The following TRAF3 variants were observed in gnomAD, a reference collection of about 807,000 sequenced individuals.
TRAF3 encodes the protein TNF receptor-associated factor 3.
TRAF3 carries 13 observed loss-of-function variants against 62.3 expected under a neutral mutation model. The ratio of observed to expected loss-of-function variants is 0.21; its 90% CI spans 0.14 to 0.33. TRAF3 has a LOEUF of 0.33. Among genes scored for constraint, TRAF3 ranks in the 10% least tolerant of loss-of-function variants. The probability of loss-of-function intolerance (pLI) is 1.00; values close to 1 mark genes in which losing one functional copy is unlikely to be tolerated. For missense variants in TRAF3, 440 were observed against 741.8 expected, an observed-to-expected ratio of 0.59 and a Z score of 4.73; for synonymous variants, 269 against 283.4, an observed-to-expected ratio of 0.95 and a Z score of 0.51.
chr14:102,872,107 A>C lies in TRAF3; in HGVS notation c.297+139A>C, dbSNP rs1033720091. ...GATGCGGCAGGCTCCCAGGCAGGACACTGTGCCATGTGATCACCTGGGCAG... is the reference window on the plus strand; with the variant it reads ...GATGCGGCAGGCTCCCAGGCAGGACCCTGTGCCATGTGATCACCTGGGCAG... On this transcript the variant is annotated intron_variant, in intron 4 of 11. Transcript: ENST00000392745. 1.0e-5 allele frequency: 9 copies of C among 866,796 alleles called. No individual in the cohort carries two copies. The African/African-American group carries it at 1.5e-4, about 15-fold the overall frequency. 53.7% of individuals were successfully genotyped at this position (866,796 alleles called of 1,614,324 possible).
At chr14:102,843,359 C>T (rs1217525245) in intron 2 of TRAF3, among the ~76,000 whole-genome samples, 2 of 151,888 alleles carry the variant, frequency 1.3e-5, no homozygotes, top group African/African-American at 2.4e-5. Flanking sequence ...ATTTTGGAGA[C>T]AGGATCTCAC....
intron 2 of TRAF3, among the ~76,000 whole-genome samples, chr14:102,837,584 A>T (rs956818054): frequency 1.3e-5 from 2 of 152,164 alleles, no homozygotes; most frequent in East Asian, 3.8e-4. Flanking sequence ...AATGTCATAT[A>T]TGAGTCCTAA....
chr14:102,803,334 C>T (rs1228487438), intron 1 of TRAF3, among the ~76,000 whole-genome samples: 1 of 152,086 alleles, frequency 6.6e-6, no homozygotes, highest in Admixed American at 6.5e-5. Flanking sequence ...CATAAGGAGG[C>T]AGCGTGAGGT....
intron 2 of TRAF3, among the ~76,000 whole-genome samples, chr14:102,855,903 G>A (rs1041896918): frequency 1.3e-5 from 2 of 151,958 alleles, no homozygotes; most frequent in African/African-American, 4.8e-5. Flanking sequence ...AACAACCTGG[G>A]CAATATAATG....
chr14:102,870,396 G>A lies in TRAF3; in HGVS notation c.195G>A (p.Gln65=), dbSNP rs1229446378. ...ACCTGGTGCTGTGCAGCCCGAAGCAGACCGAGTGTGGGCACCGCTTCTGCG... is the reference window on the plus strand; with the variant it reads ...ACCTGGTGCTGTGCAGCCCGAAGCAAACCGAGTGTGGGCACCGCTTCTGCG... ...KCHLVLCSPK[Q]TECGHRFCES... The change falls in exon 3 of 12, where the codon CAG becomes CAA. Residue 65 remains glutamine, a synonymous_variant. Transcript: ENST00000392745. 1.9e-6 allele frequency: 3 copies of A among 1,614,162 alleles called. No homozygotes were observed. In the South Asian group the frequency reaches 3.3e-5, roughly 18 times the overall value.
intron 1 of TRAF3, among the ~76,000 whole-genome samples, chr14:102,808,549 C>G (rs1336155180): frequency 6.6e-6 from 1 of 151,484 alleles, no homozygotes; most frequent in Non-Finnish European, 1.5e-5. Flanking sequence ...CCATACTAGT[C>G]AGGTGCTAGA....
chr14:102,795,617 T>TGTGTGTGC (rs33948608), intron 1 of TRAF3, among the ~76,000 whole-genome samples: 1 of 143,538 alleles, frequency 7.0e-6, no homozygotes, highest in African/African-American at 3.0e-5. Context: ...TGTGTGTGTG[T>TGTGTGTGC]GTGCATAGTT....
At chr14:102,854,286 T>A (rs1887230439) in intron 2 of TRAF3, among the ~76,000 whole-genome samples, 1 of 152,228 alleles carries the variant, frequency 6.6e-6, no homozygotes, top group Admixed American at 6.5e-5. Flanking sequence ...ACTGGTTCTC[T>A]TGGTATATAC....
At chr14:102,815,250 C>T (rs2139544308) in intron 1 of TRAF3, among the ~76,000 whole-genome samples, 1 of 152,312 alleles carries the variant, frequency 6.6e-6, no homozygotes, top group South Asian at 2.1e-4. Context: ...GGAGTCATTT[C>T]TAAGAAACCA....
chr14:102,880,303 A>AC (rs1322125365), intron 6 of TRAF3, among the ~76,000 whole-genome samples: 1 of 152,236 alleles, frequency 6.6e-6, no homozygotes, highest in African/African-American at 2.4e-5. Context: ...ACAAAGTGAG[A>AC]CCCCATCTCT....
chr14:102,905,556 A>G lies in TRAF3; in HGVS notation c.1479A>G (p.Lys493=), dbSNP rs1471110963. 8 of 1,614,164 alleles carry G rather than the reference A, an allele frequency of 5.0e-6. No individual in the cohort carries two copies. The South Asian group carries it at 7.7e-5, about 16-fold the overall frequency. ...DALLPWPFKQ[K]VTLMLMDQGS... ...TGCTTCCTTGGCCGTTTAAGCAGAA[A>G]GTGACACTCATGCTGATGGATCAGG... Residue 493 remains lysine (K), a synonymous_variant, in exon 12 of 12, where the codon AAA becomes AAG. Coordinates refer to ENST00000392745, the MANE Select transcript of TRAF3 (RefSeq NM_145725.3).
At chr14:102,868,147 T>G (rs76294741) in intron 2 of TRAF3, among the ~76,000 whole-genome samples, 3 of 152,212 alleles carry the variant, frequency 2.0e-5, no homozygotes, top group African/African-American at 7.2e-5. Context: ...AATAGATGAA[T>G]TGGGTACAGG....
intron 1 of TRAF3, among the ~76,000 whole-genome samples, chr14:102,808,073 A>G (rs1008319448): frequency 1.3e-5 from 2 of 152,312 alleles, no homozygotes; most frequent in African/African-American, 4.8e-5. Context: ...CCAGGTGTTT[A>G]TAACTGTGCA....
intron 1 of TRAF3, among the ~76,000 whole-genome samples, chr14:102,821,508 T>G (rs1283028598): frequency 6.6e-6 from 1 of 152,200 alleles, no homozygotes; most frequent in East Asian, 1.9e-4. Context: ...TTGCAAGTCG[T>G]TTATTTAACA....
intron 1 of TRAF3, among the ~76,000 whole-genome samples, chr14:102,790,631 G>C (rs1897739342): frequency 6.6e-6 from 1 of 152,116 alleles, no homozygotes; most frequent in South Asian, 2.1e-4. Flanking sequence ...ACTATCATGA[G>C]AACAGCACCC....
intron 10 of TRAF3, among the ~76,000 whole-genome samples, chr14:102,901,871 G>A (rs569912676): frequency 1.8e-4 from 28 of 152,236 alleles, no homozygotes; most frequent in African/African-American, 4.8e-4. Flanking sequence ...CCTGGGGCCC[G>A]CCCCTCGAGC....
rs1453561760 is a variant in TRAF3 at position 102,906,142 on chromosome 14, C to A, written c.*358C>A. ...AACTTGAACACCAAAAAAACACACA[C>A]ACACACACACGTGGGGATAGCTGGA... On this transcript the variant is annotated 3_prime_UTR_variant, in exon 12 of 12. Transcript: ENST00000392745. 4.7e-6 allele frequency: 1 copy of A among 213,238 alleles called. No individual in the cohort carries two copies. The highest frequency in any genetic ancestry group is 9.5e-6 in the Non-Finnish European group (1 of 105,382). 13.2% of individuals were successfully genotyped at this position (213,238 alleles called of 1,614,324 possible). A position where few individuals can be genotyped will look rare whatever the true frequency, so the allele number is the denominator to read the frequency against.
chr14:102,889,170 GT>G (rs759559545), intron 7 of TRAF3, among the ~76,000 whole-genome samples: 2 of 152,222 alleles, frequency 1.3e-5, no homozygotes, highest in Non-Finnish European at 2.9e-5. Flanking sequence ...GTGTGACCCA[GT>G]TGCATTCTGA....
At chr14:102,839,210 C>CT (rs56998347) in intron 2 of TRAF3, among the ~76,000 whole-genome samples, 18,222 of 89,138 alleles carry the variant, frequency 0.2, 4,392 homozygotes, top group Non-Finnish European at 0.27. Flanking sequence ...GTTGATTTGC[C>CT]TTTTTTTTTT....
Sources: gnomAD v4.1 joint callset for allele counts (sites outside exome capture counted in the v4.1 genomes callset) on GRCh38, gnomAD v4.1.1 for gene constraint, MANE v1.5 for transcripts, NCBI Gene and HGNC (gene_info 2026-07-23, HGNC 2026-07-21) for gene names.